The following MCF2L2 variants were observed in gnomAD, a reference collection of about 807,000 sequenced individuals.
MCF2L2 encodes MCF.2 cell line derived transforming sequence-like 2.
In MCF2L2, 102 loss-of-function variants were observed where a neutral mutation model predicts 150.2. The ratio of observed to expected loss-of-function variants is 0.68; its 90% CI spans 0.58 to 0.80. The LOEUF is 0.80. MCF2L2 is among the 30% of genes least tolerant of loss of function. The probability of loss-of-function intolerance (pLI) is 0.00; values close to 1 mark genes in which losing one functional copy is unlikely to be tolerated. For missense variants in MCF2L2, 1,256 were observed against 1,372.8 expected (o/e 0.91, Z 1.34); for synonymous variants, 465 against 491.3 (o/e 0.95, Z 0.71).
At chr3:183,361,874 C>T (rs1387913179) in intron 3 of MCF2L2, among the ~76,000 whole-genome samples, 5 of 152,136 alleles carry the variant, frequency 3.3e-5, no homozygotes, top group Non-Finnish European at 7.4e-5. Flanking sequence ...ACAGACTGTC[C>T]ACATGGGTGG....
At chr3:183,287,766 TTCTC>T (rs1303598477) in intron 14 of MCF2L2, 5 of 152,128 alleles carry the variant, frequency 3.3e-5, no homozygotes, top group East Asian at 1.9e-4. Context: ...GGACGCAGCT[TTCTC>T]TCTCTCTAAG....
At chr3:183,222,474 T>C (rs1327654272) in intron 20 of MCF2L2, among the ~76,000 whole-genome samples, 1 of 151,922 alleles carries the variant, frequency 6.6e-6, no homozygotes, top group Non-Finnish European at 1.5e-5. Context: ...TGCTTGAACC[T>C]GGGAGGCAGA....
Position 183,360,444 on chromosome 3 carries a change from G to A in MCF2L2, c.276-18814C>T, listed in dbSNP as rs796074111. Among the ~76,000 whole-genome samples, 7 of 152,172 alleles carry A rather than the reference G, an allele frequency of 4.6e-5. 1 individual carries two copies. The highest frequency in any genetic ancestry group is 1.7e-4 in the African/African-American group (7 of 41,516). ...ATTAGCTGAGCATGGTGGCATGCCT[G>A]TAGTCCTAGCTACTTGGGAGGCTGA... On this transcript the variant is annotated intron_variant, in intron 3 of 29. Transcript: ENST00000328913.
chr3:183,271,746 A>G (rs758056585), intron 15 of MCF2L2: 1 of 166,984 alleles, frequency 6.0e-6, no homozygotes, highest in African/African-American at 2.4e-5. Flanking sequence ...GACGTTTTCA[A>G]CTGGTTTTTA....
chr3:183,324,999 T>C (rs1289562057), intron 5 of MCF2L2, among the ~76,000 whole-genome samples: 2 of 148,894 alleles, frequency 1.3e-5, no homozygotes, highest in Non-Finnish European at 3.0e-5. Flanking sequence ...GAAACCATCA[T>C]TCTCAGCAAA....
At chr3:183,298,589 T>C (rs1439361689) in intron 11 of MCF2L2, 1 of 152,144 alleles carries the variant, frequency 6.6e-6, no homozygotes. Flanking sequence ...TCTTCCTACA[T>C]TTTTGGATTT....
At chr3:183,300,562 T>C (rs937109103) in intron 10 of MCF2L2, among the ~76,000 whole-genome samples, 2 of 152,162 alleles carry the variant, frequency 1.3e-5, no homozygotes, top group South Asian at 4.1e-4. Flanking sequence ...CAGAAAAGCA[T>C]GGAGTGCACA....
In MCF2L2 at chr3:183,188,025, C is replaced by T. The variant is rs146400070; in HGVS notation, c.3016+4974G>A. ...GGTAGGGCTGCTGCTTAACAAAGGC[C>T]GAGAGGGACATGTCTGATGCTCAGG... is the stretch of plus-strand genomic sequence containing the variant. On this transcript the variant is annotated intron_variant, in intron 27 of 29. Coordinates refer to ENST00000328913, the MANE Select transcript of MCF2L2 (RefSeq NM_015078.4). Among the ~76,000 whole-genome samples the T allele has an allele frequency of 6.1e-3, 927 of 152,270 alleles. 7 individuals carry two copies. The highest frequency in any genetic ancestry group is 8.8e-3 in the Non-Finnish European group (597 of 68,014).
chr3:183,426,389 C>T (rs1055534622), intron 1 of MCF2L2, among the ~76,000 whole-genome samples: 4 of 152,142 alleles, frequency 2.6e-5, no homozygotes, highest in South Asian at 2.1e-4. Flanking sequence ...TCTTTAGTGG[C>T]GTGACAGAGG....
intron 23 of MCF2L2, 85 bp downstream of exon 23, chr3:183,207,523 C>A (rs906926077): frequency 9.5e-7 from 1 of 1,049,774 alleles, no homozygotes; most frequent in East Asian, 2.4e-5. Flanking sequence ...CTCTACACTG[C>A]AGCTTCCTCA....
intron 22 of MCF2L2, among the ~76,000 whole-genome samples, chr3:183,210,693 G>A (rs1348667514): frequency 6.6e-6 from 1 of 152,206 alleles, no homozygotes; most frequent in African/African-American, 2.4e-5. Context: ...GACTTGTGAA[G>A]ATGGGGTGAC....
chr3:183,415,208 G>A (rs1003470087), intron 1 of MCF2L2, among the ~76,000 whole-genome samples: 9 of 149,972 alleles, frequency 6.0e-5, no homozygotes, highest in Middle Eastern at 6.9e-3. Context: ...TTTTTGAGAC[G>A]GAGTCTCGTT....
At chr3:183,352,929 A>C (rs1711560437) in intron 3 of MCF2L2, among the ~76,000 whole-genome samples, 1 of 152,190 alleles carries the variant, frequency 6.6e-6, no homozygotes, top group African/African-American at 2.4e-5. Flanking sequence ...TACTCTTTAG[A>C]TAATAACTTA....
At chr3:183,389,090 T>C (rs1714001051) in intron 2 of MCF2L2, among the ~76,000 whole-genome samples, 1 of 152,228 alleles carries the variant, frequency 6.6e-6, no homozygotes, top group African/African-American at 2.4e-5. Context: ...CATGTACTTC[T>C]AGTTTTAGTA....
intron 15 of MCF2L2, among the ~76,000 whole-genome samples, chr3:183,260,417 T>C (rs976143248): frequency 9.2e-5 from 14 of 152,010 alleles, no homozygotes; most frequent in Admixed American, 3.3e-4. Context: ...CCCAAACAAG[T>C]GTGTTGCAAG....
At chr3:183,372,867 C>T (rs1342758525) in intron 3 of MCF2L2, 2 of 152,124 alleles carry the variant, frequency 1.3e-5, no homozygotes, top group Admixed American at 1.3e-4. Flanking sequence ...GATAAATATC[C>T]ATGCTTAGTT....
intron 14 of MCF2L2, among the ~76,000 whole-genome samples, chr3:183,285,973 A>G (rs1727768670): frequency 6.6e-6 from 1 of 152,140 alleles, no homozygotes; most frequent in African/African-American, 2.4e-5. Context: ...TAGTCACATC[A>G]CTATTGCCAA....
chr3:183,338,474 A>C (rs1730576431), intron 5 of MCF2L2, among the ~76,000 whole-genome samples: 1 of 151,700 alleles, frequency 6.6e-6, no homozygotes, highest in South Asian at 2.1e-4. Context: ...AAGAAAAAGA[A>C]AAAAGAAAAC....
chr3:183,338,753 A>C (rs6772530), intron 5 of MCF2L2, 47 bp downstream of exon 5: 326,311 of 1,548,896 alleles, frequency 0.21, 41,394 homozygotes, highest in African/African-American at 0.57. Flanking sequence ...ATGCCATCTT[A>C]GCCAGAAGCC....
Sources: gnomAD v4.1 joint callset for allele counts (sites outside exome capture counted in the v4.1 genomes callset) on GRCh38, gnomAD v4.1.1 for gene constraint, MANE v1.5 for transcripts, NCBI Gene and HGNC (gene_info 2026-07-23, HGNC 2026-07-21) for gene names.